The following EGFLAM variants were observed in gnomAD, a reference collection of about 807,000 sequenced individuals.
The protein encoded by EGFLAM is EGF like, fibronectin type III and laminin G domains.
In EGFLAM, 79 loss-of-function variants were observed where a neutral mutation model predicts 113.1. That is an observed-to-expected ratio of 0.70 (90% CI 0.58 to 0.84). The LOEUF is 0.84. Ranked by LOEUF, EGFLAM falls within the 40% of genes least tolerant of loss-of-function variation. The pLI is 0.00. For missense variants in EGFLAM, 1,265 were observed against 1,291.6 expected (o/e 0.98, Z 0.32); for synonymous variants, 504 against 487.6 (o/e 1.03, Z -0.44).
intron 5 of EGFLAM, among the ~76,000 whole-genome samples, chr5:38,358,756 A>T (rs968899568): frequency 6.6e-6 from 1 of 152,142 alleles, no homozygotes; most frequent in Non-Finnish European, 1.5e-5. Context: ...ATCCCCCCCA[A>T]AGTTGGTCTG....
In EGFLAM at chr5:38,258,726, G is replaced by T; in HGVS notation, c.-29G>T. On this transcript the variant is annotated 5_prime_UTR_variant, in exon 1 of 22. Transcript: ENST00000322350. ...CCCTTTCCGTGTGCGCCCGGGACTT[G>T]GTGAAACTTTGCAGGCGCCGGCTGC... The T allele has an allele frequency of 6.3e-7, 1 of 1,591,068 alleles. No individual in the cohort carries two copies. Among genetic ancestry groups the T allele is most frequent in the Non-Finnish European group, 8.6e-7 (1 of 1,167,724 alleles).
chr5:38,458,452 G>C, intron 20 of EGFLAM, 58 bp downstream of exon 20: 1 of 1,552,764 alleles, frequency 6.4e-7, no homozygotes. Flanking sequence ...GGGATGTGGT[G>C]TCCAGTTCCC....
intron 1 of EGFLAM, among the ~76,000 whole-genome samples, chr5:38,264,561 G>A (rs1307666534): frequency 3.3e-5 from 5 of 152,122 alleles, no homozygotes; most frequent in Non-Finnish European, 7.4e-5. Flanking sequence ...CAGGGATCAG[G>A]GGTCATCCTG....
chr5:38,436,656 C>G lies in EGFLAM; in HGVS notation c.2283+1403C>G, dbSNP rs1403328716. Among the ~76,000 whole-genome samples the G allele has an allele frequency of 3.9e-5, 6 of 152,308 alleles. No homozygotes were observed. In the East Asian group the frequency reaches 1.2e-3, roughly 29 times the overall value. ...CCCGCTCTTCTCAGGCTGTGCCCTC[C>G]CCTTCACGCAGCACACACAACCCTC... On this transcript the variant is annotated intron_variant, in intron 16 of 21. Transcript: ENST00000322350.
chr5:38,326,504 G>C (rs541555677), intron 1 of EGFLAM, among the ~76,000 whole-genome samples: 2 of 149,628 alleles, frequency 1.3e-5, no homozygotes, highest in East Asian at 3.9e-4. Context: ...TGTTGATAAG[G>C]GTTTTTTTTT....
At chr5:38,449,716 A>G (rs1008605971) in intron 18 of EGFLAM, among the ~76,000 whole-genome samples, 3 of 152,196 alleles carry the variant, frequency 2.0e-5, no homozygotes, top group Admixed American at 6.5e-5. Context: ...GTATAAATGC[A>G]TGTGTGTGAG....
chr5:38,258,874 G>A, intron 1 of EGFLAM, 23 bp downstream of exon 1: 9 of 1,599,962 alleles, frequency 5.6e-6, no homozygotes, highest in Non-Finnish European at 6.8e-6. Flanking sequence ...TCCGCCCAGA[G>A]CCACCACGCC....
chr5:38,373,118 A>G (rs1740267176), intron 6 of EGFLAM, among the ~76,000 whole-genome samples: 1 of 152,238 alleles, frequency 6.6e-6, no homozygotes, highest in Non-Finnish European at 1.5e-5. Flanking sequence ...GGGAAGATGT[A>G]CTATGAGCCA....
At chr5:38,379,195 AG>A (rs754941187) in intron 6 of EGFLAM, among the ~76,000 whole-genome samples, 22,000 of 152,218 alleles carry the variant, frequency 0.14, 1,725 homozygotes, top group African/African-American at 0.2. Flanking sequence ...CGGGGAGGGA[AG>A]ACTTTCCCTT....
chr5:38,338,773 CCGACCA>C lies in EGFLAM; in HGVS notation c.286_291del (p.Thr96_Thr97del). ...CAGCGTGCCTCTCAGCCGGGACATC[CCGACCA>C]CGGTGAGTCTTTCCATCCTGGCAGC... On this transcript the variant is annotated inframe_deletion and splice_region_variant, in exon 3 of 22. Coordinates refer to ENST00000322350, the MANE Select transcript of EGFLAM (RefSeq NM_152403.4). 2 of 1,614,188 alleles carry C rather than the reference CCGACCA, an allele frequency of 1.2e-6. No homozygotes were observed. Among genetic ancestry groups the C allele is most frequent in the Non-Finnish European group, 1.7e-6 (2 of 1,180,020 alleles).
At chr5:38,396,277 A>T (rs959836925) in intron 6 of EGFLAM, among the ~76,000 whole-genome samples, 1 of 151,592 alleles carries the variant, frequency 6.6e-6, no homozygotes, top group African/African-American at 2.4e-5. Flanking sequence ...AGAGAGAGAG[A>T]GAACCCACCA....
chr5:38,388,370 AGCAT>A (rs1740718299), intron 6 of EGFLAM, among the ~76,000 whole-genome samples: 1 of 152,144 alleles, frequency 6.6e-6, no homozygotes, highest in Non-Finnish European at 1.5e-5. Flanking sequence ...CTGCAATCCC[AGCAT>A]GCTGGGAGGC....
At chr5:38,361,451 C>T (rs906089734) in intron 5 of EGFLAM, among the ~76,000 whole-genome samples, 1 of 152,204 alleles carries the variant, frequency 6.6e-6, no homozygotes, top group Non-Finnish European at 1.5e-5. Context: ...GGACATAGCA[C>T]TGTGAACACA....
chr5:38,394,948 T>C (rs1378338507), intron 6 of EGFLAM, among the ~76,000 whole-genome samples: 1 of 152,078 alleles, frequency 6.6e-6, no homozygotes, highest in Non-Finnish European at 1.5e-5. Flanking sequence ...TTTTTAATTT[T>C]TATTTTTTTG....
At position 38,326,850 on chromosome 5, in the gene EGFLAM, G is replaced by A. The variant is rs148006912; in HGVS notation, c.98-10670G>A. ...GTTTTGCTCTGTCACCCAGGCTGGC[G>A]TTCAATGGCGCAATCTCGGCTCACA... On this transcript the variant is annotated intron_variant, in intron 1 of 21. Coordinates refer to ENST00000322350, the MANE Select transcript of EGFLAM (RefSeq NM_152403.4). 1.4e-3 allele frequency among the ~76,000 whole-genome samples: 204 copies of A among 146,268 alleles called. 2 individuals carry two copies. Among genetic ancestry groups the A allele is most frequent in the African/African-American group, 4.7e-3 (185 of 39,290 alleles).
chr5:38,459,866 C>T (rs1265843933), intron 20 of EGFLAM, among the ~76,000 whole-genome samples: 2 of 152,190 alleles, frequency 1.3e-5, no homozygotes, highest in Non-Finnish European at 2.9e-5. Flanking sequence ...CTCTCAGCTT[C>T]CCAGATGGTC....
chr5:38,349,011 T>C (rs546181613), intron 3 of EGFLAM, among the ~76,000 whole-genome samples: 1 of 152,338 alleles, frequency 6.6e-6, no homozygotes, highest in South Asian at 2.1e-4. Context: ...CACCGAGTGA[T>C]TCTAATGTGT....
chr5:38,374,231 A>G (rs1348501074), intron 6 of EGFLAM, among the ~76,000 whole-genome samples: 1 of 152,186 alleles, frequency 6.6e-6, no homozygotes, highest in Non-Finnish European at 1.5e-5. Context: ...CGCTGCCTAG[A>G]CAGAGCCTAT....
intron 6 of EGFLAM, among the ~76,000 whole-genome samples, chr5:38,395,176 G>A (rs149083465): frequency 0.019 from 2,810 of 151,578 alleles, 35 homozygotes; most frequent in South Asian, 0.049. Flanking sequence ...CCAACCTTAG[G>A]CAATCTGCCC....
Sources: gnomAD v4.1 joint callset for allele counts (sites outside exome capture counted in the v4.1 genomes callset) on GRCh38, gnomAD v4.1.1 for gene constraint, MANE v1.5 for transcripts, NCBI Gene and HGNC (gene_info 2026-07-23, HGNC 2026-07-21) for gene names.